The following CPAMD8 variants were observed in gnomAD, a reference collection of about 807,000 sequenced individuals.
CPAMD8 encodes C3 and PZP like alpha-2-macroglobulin domain containing 8, also known as C3 and PZP-like alpha-2-macroglobulin domain-containing protein 8.
CPAMD8 carries 146 observed loss-of-function variants against 224.7 expected under a neutral mutation model. The observed-to-expected ratio is 0.65, with a 90% CI of 0.57 to 0.75. The LOEUF is 0.75. CPAMD8 is among the 30% of genes least tolerant of loss of function. The pLI is 0.00. For synonymous variants in CPAMD8, 966 were observed against 1,044.6 expected, an observed-to-expected ratio of 0.92 and a Z score of 1.45; for missense variants, 2,301 against 2,537.5, an observed-to-expected ratio of 0.91 and a Z score of 2.00.
chr19:17,024,050 C>T (rs535833576), intron 1 of CPAMD8, among the ~76,000 whole-genome samples: 1 of 152,148 alleles, frequency 6.6e-6, no homozygotes, highest in Non-Finnish European at 1.5e-5. Flanking sequence ...TCATTGCATG[C>T]TTAGATTAGG....
intron 13 of CPAMD8, among the ~76,000 whole-genome samples, chr19:16,985,206 A>G (rs2055671037): frequency 6.6e-6 from 1 of 152,134 alleles, no homozygotes; most frequent in African/African-American, 2.4e-5. Context: ...AAATAGATGG[A>G]TGCGTGAATT....
rs571679818 is a variant in CPAMD8, at chr19:16,954,030, G to T, written c.2277-1830C>A. Among the ~76,000 whole-genome samples, 22 of 152,322 alleles carry T rather than the reference G, an allele frequency of 1.4e-4. No individual in the cohort carries two copies. In the South Asian group the frequency reaches 4.4e-3, roughly 30 times the overall value. Reference sequence around the variant, plus strand: ...AATCCCAGCACTTTGGGAGGCCGAGGTGGGTGGATCACTTGAGGTCAGGAG... The same window carrying T: ...AATCCCAGCACTTTGGGAGGCCGAGTTGGGTGGATCACTTGAGGTCAGGAG... On this transcript the variant is annotated intron_variant, in intron 19 of 41. Transcript: ENST00000443236.
At chr19:16,962,125 C>A (rs966338553) in intron 18 of CPAMD8, among the ~76,000 whole-genome samples, 5 of 152,162 alleles carry the variant, frequency 3.3e-5, no homozygotes, top group African/African-American at 7.2e-5. Context: ...AACCTGCGCG[C>A]CTCTTCTCCT....
At chr19:16,921,720 T>C (rs1362517130) in intron 27 of CPAMD8, among the ~76,000 whole-genome samples, 185 bp downstream of exon 27, 2 of 152,176 alleles carry the variant, frequency 1.3e-5, no homozygotes, top group Non-Finnish European at 2.9e-5. Context: ...TCACCAGCTC[T>C]GCACTGGCCC....
At chr19:16,959,976 C>T (rs548363509) in intron 18 of CPAMD8, among the ~76,000 whole-genome samples, 16 of 152,260 alleles carry the variant, frequency 1.1e-4, no homozygotes, top group Admixed American at 7.2e-4. Context: ...TTTAAACAGT[C>T]GTGCCTCCTC....
At chr19:16,945,814 T>A (rs2054055605) in intron 21 of CPAMD8, 135 bp from the exon 22 acceptor site, 1 of 802,030 alleles carries the variant, frequency 1.2e-6, no homozygotes, top group African/African-American at 1.7e-5. Flanking sequence ...TATATGCAGA[T>A]GTGTGCATGC....
intron 39 of CPAMD8, 55 bp from the exon 40 acceptor site, chr19:16,896,720 C>A: frequency 7.9e-7 from 1 of 1,260,120 alleles, no homozygotes; most frequent in South Asian, 1.9e-5. Context: ...GCCCGCGCCC[C>A]CACAGAACCT....
chr19:16,911,542 T>TTTTTA lies in CPAMD8; in HGVS notation c.3861+2877_3861+2881dup, dbSNP rs546901491. Among the ~76,000 whole-genome samples, 1,482 of 151,538 alleles carry TTTTTA rather than the reference T, an allele frequency of 9.8e-3. 13 individuals carry two copies. Among genetic ancestry groups the TTTTTA allele is most frequent in the Middle Eastern group, 0.027 (8 of 294 alleles). ...ACACAAGCTAATTTTTGTATTTTTA[T>TTTTTA]TTTTATTTTATTTTATTTTTTGAGA... On this transcript the variant is annotated intron_variant, in intron 29 of 41. Coordinates refer to ENST00000443236, the MANE Select transcript of CPAMD8 (RefSeq NM_015692.5).
In CPAMD8 at chr19:16,952,069, T is replaced by C; in HGVS notation, c.2408A>G (p.Lys803Arg). The C allele has an allele frequency of 6.4e-7, 1 of 1,569,728 alleles. No individual in the cohort carries two copies. The highest frequency in any genetic ancestry group is 8.7e-7 in the Non-Finnish European group (1 of 1,155,826). The stretch of plus-strand genomic sequence containing the variant: ...GAGCATGAAGTCCACGAAGAAGGGC[T>C]TGAAGGTCTTCAGCAGGGAGGGCTC... ...IAEPSLLKTF[K>R]PFFVDFMLPA... The change falls in exon 20 of 42, where the codon AAG (lysine) becomes AGG (arginine). Residue 803 changes from lysine (K) to arginine (R), a missense_variant. Around this residue, in one of 4 missense-constraint regions of CPAMD8, gnomAD observed 1,709 missense variants for 1,753.2 expected, o/e 0.97. Coordinates refer to ENST00000443236, the MANE Select transcript of CPAMD8 (RefSeq NM_015692.5).
intron 26 of CPAMD8, among the ~76,000 whole-genome samples, 163 bp downstream of exon 26, chr19:16,925,033 C>T (rs2053309843): frequency 6.6e-6 from 1 of 152,226 alleles, no homozygotes; most frequent in Admixed American, 6.5e-5. Flanking sequence ...CAGGCTCCTG[C>T]TGACAGTGAC....
chr19:17,000,253 A>G, intron 10 of CPAMD8, 161 bp downstream of exon 10: 2 of 535,318 alleles, frequency 3.7e-6, no homozygotes, highest in East Asian at 3.0e-5. Context: ...CAGGAGTTCA[A>G]GACAAGCCTG....
At position 16,899,999 on chromosome 19, in the gene CPAMD8, C is replaced by T. The variant is rs531130698; in HGVS notation, c.4774-450G>A. ...ATCCCCTGGTGCTCCGTGCAGCCTC[C>T]TTGGAGGGGAGGTGACAATAGGCCC... On this transcript the variant is annotated intron_variant, in intron 36 of 41. Coordinates refer to ENST00000443236, the MANE Select transcript of CPAMD8 (RefSeq NM_015692.5). This position sits in a 1 kb window ranked among gnomAD's most constrained non-coding sequence, Gnocchi z 5.4. Among the ~76,000 whole-genome samples, 3 of 152,140 alleles carry T rather than the reference C, an allele frequency of 2.0e-5. No individual in the cohort carries two copies. In the South Asian group the frequency reaches 6.2e-4, roughly 32 times the overall value.
intron 18 of CPAMD8, among the ~76,000 whole-genome samples, chr19:16,960,512 T>G (rs1245467941): frequency 6.6e-6 from 1 of 151,920 alleles, no homozygotes; most frequent in Non-Finnish European, 1.5e-5. Context: ...TTTCCAAGAC[T>G]TGTTGTTAAC....
chr19:17,010,554 G>A (rs115209726), intron 5 of CPAMD8, among the ~76,000 whole-genome samples: 76 of 152,222 alleles, frequency 5.0e-4, no homozygotes, highest in African/African-American at 1.8e-3. Flanking sequence ...ATTTTTAAAT[G>A]TGATGATCCT....
In CPAMD8 at chr19:16,892,978, T is replaced by G. The variant is rs773901; in HGVS notation, c.*130A>C. The G allele has an allele frequency of 0.54, 415,346 of 766,154 alleles. 115,631 individuals are homozygous for G. Among genetic ancestry groups the G allele is most frequent in the African/African-American group, 0.75 (44,399 of 59,064 alleles). 47.5% of individuals were successfully genotyped at this position (766,154 alleles called of 1,614,324 possible). On this transcript the variant is annotated 3_prime_UTR_variant, in exon 42 of 42. Coordinates refer to ENST00000443236, the MANE Select transcript of CPAMD8 (RefSeq NM_015692.5). ...TGAGTAAGATCAGTAACGTGTATTC[T>G]TGTCAATATCCTGGAGTGATCATTT...
At chr19:16,941,616 G>A (rs1293186307) in intron 22 of CPAMD8, among the ~76,000 whole-genome samples, 4 of 152,136 alleles carry the variant, frequency 2.6e-5, no homozygotes, top group African/African-American at 9.7e-5. Context: ...TTGGATCATG[G>A]GGGCGGATTT....
At chr19:17,020,396 T>G in intron 2 of CPAMD8, 43 bp from the exon 3 acceptor site, 1 of 1,435,840 alleles carries the variant, frequency 7.0e-7, no homozygotes, top group Non-Finnish European at 9.8e-7. Flanking sequence ...TCAAGAGCTG[T>G]GTTGCCCTGC....
At position 16,897,895 on chromosome 19, in the gene CPAMD8, C is replaced by G; in HGVS notation, c.4948G>C (p.Glu1650Gln). 1 of 1,609,276 alleles carries G rather than the reference C, an allele frequency of 6.2e-7. No individual in the cohort carries two copies. Reference protein sequence around the residue: ...ALPVSVYDYYEPAFEATRFYN... With the variant: ...ALPVSVYDYYQPAFEATRFYN... ...TGCGGGCGCGCGGGCCTACCGGGTTCGTAGTAGTCGTACACGGAGACTGGC... is the reference window on the plus strand; with the variant it reads ...TGCGGGCGCGCGGGCCTACCGGGTTGGTAGTAGTCGTACACGGAGACTGGC... The change falls in exon 38 of 42, where the codon GAA becomes CAA. Residue 1650 changes from glutamate to glutamine, a missense_variant. By Grantham distance (29) the Glu-to-Gln change is conservative. This residue lies in a region of CPAMD8 where 1,709 missense variants were observed against 1,753.2 expected (regional missense o/e 0.97). Transcript: ENST00000443236.
rs780858108 is a variant in CPAMD8 at position 16,901,314 on chromosome 19, A to G, written c.4686-17T>C. ...TGCAGCCACCTTCCAACAACAGGGG[A>G]GAGAGAGAGGCCCTAGAGCTCAAGC... On this transcript the variant is annotated splice_polypyrimidine_tract_variant and intron_variant, in intron 35 of 41. Transcript: ENST00000443236. 4 of 1,521,612 alleles carry G rather than the reference A, an allele frequency of 2.6e-6. No individual in the cohort carries two copies. Among genetic ancestry groups the G allele is most frequent in the Non-Finnish European group, 2.7e-6 (3 of 1,100,988 alleles). The allele number at this position is 1,521,612 out of a possible 1,614,324, so 94.3% of individuals were successfully genotyped here. A position where few individuals can be genotyped will look rare whatever the true frequency, so the allele number is the denominator to read the frequency against.
Sources: gnomAD v4.1 joint callset for allele counts (sites outside exome capture counted in the v4.1 genomes callset) on GRCh38, gnomAD v4.1.1 for gene constraint, gnomAD v4.1.1 regional missense constraint, Gnocchi (gnomAD v3.1) non-coding constraint, MANE v1.5 for transcripts, NCBI Gene and HGNC (gene_info 2026-07-23, HGNC 2026-07-21) for gene names.